The following NEURL1 variants were observed in gnomAD, a reference collection of about 807,000 sequenced individuals.
NEURL1 encodes the protein neuralized E3 ubiquitin protein ligase 1.
Under a neutral mutation model 41.2 loss-of-function variants are expected in NEURL1, and 26 were observed. The ratio of observed to expected loss-of-function variants is 0.63; its 90% CI spans 0.46 to 0.87. NEURL1 has a LOEUF of 0.87. Ranked by LOEUF, NEURL1 falls within the 40% of genes least tolerant of loss-of-function variation. The pLI, the probability that NEURL1 is intolerant of heterozygous loss-of-function variation, is 0.00. For synonymous variants in NEURL1, 400 were observed against 402.3 expected, an observed-to-expected ratio of 0.99 and a Z score of 0.07; for missense variants, 761 against 871.1, an observed-to-expected ratio of 0.87 and a Z score of 1.59.
rs556622203 is a variant in NEURL1, at chr10:103,551,023, T to C, written c.86-19849T>C. The C allele has an allele frequency of 2.6e-5, 4 of 152,258 alleles. No individual in the cohort carries two copies. The East Asian group carries it at 7.7e-4, about 29-fold the overall frequency. 9.4% of individuals were successfully genotyped at this position (152,258 alleles called of 1,614,324 possible). ...TTCCCCTTTCACATCGTTTCCAAAG[T>C]GCGGCTATAGAATGGAACACAGATC... On this transcript the variant is annotated intron_variant, in intron 1 of 5. Transcript: ENST00000369780.
At chr10:103,527,077 C>G (rs192585965) in intron 1 of NEURL1, among the ~76,000 whole-genome samples, 1 of 152,044 alleles carries the variant, frequency 6.6e-6, no homozygotes, top group East Asian at 1.9e-4. Context: ...GTGGATTATT[C>G]GAGTTTTCCA....
chr10:103,589,483 AGT>A (rs757819510), intron 4 of NEURL1, 29 bp from the exon 5 acceptor site: 1 of 1,562,820 alleles, frequency 6.4e-7, no homozygotes, highest in South Asian at 1.2e-5. Context: ...GCAGGCAGCT[AGT>A]GTGTCCTTCC....
intron 1 of NEURL1, among the ~76,000 whole-genome samples, chr10:103,541,524 T>C (rs899824794): frequency 6.6e-6 from 1 of 152,118 alleles, no homozygotes; most frequent in Non-Finnish European, 1.5e-5. Flanking sequence ...CCAGGAATGG[T>C]CCTGCCTTAA....
chr10:103,523,574 C>T (rs1317083974), intron 1 of NEURL1, among the ~76,000 whole-genome samples: 1 of 152,202 alleles, frequency 6.6e-6, no homozygotes, highest in Non-Finnish European at 1.5e-5. Context: ...GCTTCTGAAT[C>T]TGTAAACCAA....
At chr10:103,579,739 C>T (rs796473937) in intron 3 of NEURL1, among the ~76,000 whole-genome samples, 9 of 152,050 alleles carry the variant, frequency 5.9e-5, no homozygotes, top group South Asian at 2.1e-4. Context: ...CTGAGGAGTT[C>T]GAAACCAGCC....
At chr10:103,529,758 A>G (rs1447562350) in intron 1 of NEURL1, among the ~76,000 whole-genome samples, 1 of 152,178 alleles carries the variant, frequency 6.6e-6, no homozygotes, top group Non-Finnish European at 1.5e-5. Context: ...AGCTGTAAAT[A>G]ATTGAAAAGT....
intron 1 of NEURL1, among the ~76,000 whole-genome samples, chr10:103,546,346 A>G (rs2034924435): frequency 6.6e-6 from 1 of 152,218 alleles, no homozygotes; most frequent in Non-Finnish European, 1.5e-5. Flanking sequence ...AGCTTTAACA[A>G]TTAATTTCCA....
chr10:103,523,512 G>A (rs998543231), intron 1 of NEURL1, among the ~76,000 whole-genome samples: 2 of 151,768 alleles, frequency 1.3e-5, no homozygotes, highest in African/African-American at 4.8e-5. Context: ...GTTAGTTATA[G>A]TCACCCTATA....
At chr10:103,583,478 G>A (rs2035826694) in intron 3 of NEURL1, among the ~76,000 whole-genome samples, 1 of 151,992 alleles carries the variant, frequency 6.6e-6, no homozygotes, top group Non-Finnish European at 1.5e-5. Flanking sequence ...CACTTTGGGA[G>A]ACTGAGGCAG....
At chr10:103,538,087 C>T (rs2034733953) in intron 1 of NEURL1, among the ~76,000 whole-genome samples, 1 of 151,922 alleles carries the variant, frequency 6.6e-6, no homozygotes, top group Admixed American at 6.6e-5. Context: ...TATCAATAAT[C>T]CATTTATTTA....
chr10:103,562,991 G>T (rs1408662318), intron 1 of NEURL1, among the ~76,000 whole-genome samples: 2 of 152,136 alleles, frequency 1.3e-5, no homozygotes, highest in African/African-American at 4.8e-5. Context: ...CAGGAGTCAG[G>T]CATCCCCAGC....
At chr10:103,513,171 C>G (rs2034114433) in intron 1 of NEURL1, among the ~76,000 whole-genome samples, 1 of 152,204 alleles carries the variant, frequency 6.6e-6, no homozygotes, top group Non-Finnish European at 1.5e-5. Context: ...GCCCCCAGGT[C>G]TGCTGAGCCT....
rs1478886793 is a variant in NEURL1 at position 103,591,379 on chromosome 10, T to C, written c.*1007T>C. The C allele has an allele frequency of 6.6e-6, 1 of 152,328 alleles. No individual in the cohort carries two copies. The highest frequency in any genetic ancestry group is 6.5e-5 in the Admixed American group (1 of 15,282). 9.4% of individuals were successfully genotyped at this position (152,328 alleles called of 1,614,324 possible). A position where few individuals can be genotyped will look rare whatever the true frequency, so the allele number is the denominator to read the frequency against. ...GGGTTCCCTGGGCCAAGACCAGCCT[T>C]TTTCCTCAGTTTAATTAATTTATTT... On this transcript the variant is annotated 3_prime_UTR_variant, in exon 6 of 6. Coordinates refer to ENST00000369780, the MANE Select transcript of NEURL1 (RefSeq NM_004210.5).
intron 1 of NEURL1, among the ~76,000 whole-genome samples, chr10:103,563,450 C>A (rs574549522): frequency 6.6e-6 from 1 of 152,180 alleles, no homozygotes; most frequent in East Asian, 1.9e-4. Context: ...CTGTGCCTCG[C>A]CCCACCGCCC....
intron 1 of NEURL1, among the ~76,000 whole-genome samples, chr10:103,567,005 CAG>C (rs2035438883): frequency 1.3e-5 from 2 of 148,278 alleles, no homozygotes; most frequent in Admixed American, 6.8e-5. Flanking sequence ...TTGTTTGAGA[CAG>C]AGTCTTGCTC....
At chr10:103,538,215 C>T (rs1353475013) in intron 1 of NEURL1, among the ~76,000 whole-genome samples, 1 of 152,064 alleles carries the variant, frequency 6.6e-6, no homozygotes, top group Non-Finnish European at 1.5e-5. Context: ...GTGCCTCAGC[C>T]TCCTGAGTAG....
At chr10:103,498,297 G>A (rs2033735266) in intron 1 of NEURL1, among the ~76,000 whole-genome samples, 2 of 152,128 alleles carry the variant, frequency 1.3e-5, no homozygotes, top group African/African-American at 4.8e-5. Context: ...GCGCGATCTC[G>A]GCTCACTGCA....
In NEURL1 at chr10:103,585,049, G is replaced by A. The variant is rs1448907274; in HGVS notation, c.1163G>A (p.Arg388His). The change falls in exon 4 of 6, where the codon CGC (arginine) becomes CAC (histidine). Residue 388 changes from arginine to histidine, a missense_variant. Physicochemically the swap from Arg to His is conservative, Grantham distance 29. This residue lies in a region of NEURL1 where 443 missense variants were observed against 408.1 expected (regional missense o/e 1.09). Coordinates refer to ENST00000369780, the MANE Select transcript of NEURL1 (RefSeq NM_004210.5). ...VDRKEFWAVC[R>H]VPGPLHSGDI... ...CGCAAGGAATTCTGGGCCGTGTGCC[G>A]CGTGCCCGGGCCCCTGCACAGCGGC... The A allele has an allele frequency of 3.1e-6, 5 of 1,588,870 alleles. No homozygotes were observed. Among genetic ancestry groups the A allele is most frequent in the South Asian group, 2.2e-5 (2 of 89,436 alleles).
intron 1 of NEURL1, among the ~76,000 whole-genome samples, chr10:103,506,512 G>T (rs59551302): frequency 0.24 from 36,964 of 151,826 alleles, 4,799 homozygotes; most frequent in Admixed American, 0.29. Flanking sequence ...CTTATTGGCA[G>T]GAGGGTCCTC....
Sources: allele counts gnomAD v4.1 joint callset (sites outside exome capture counted in the v4.1 genomes callset), GRCh38; gene constraint gnomAD v4.1.1; regional missense constraint gnomAD v4.1.1; transcripts MANE v1.5; gene names NCBI Gene and HGNC (gene_info 2026-07-23, HGNC 2026-07-21).